The following ITPR3 variants were observed in gnomAD, a reference collection of about 807,000 sequenced individuals.
ITPR3 encodes inositol 1,4,5-trisphosphate receptor type 3.
In ITPR3, 173 loss-of-function variants were observed where a neutral mutation model predicts 293.2. That is an observed-to-expected ratio of 0.59 (90% CI 0.52 to 0.67). The LOEUF (loss-of-function observed/expected upper bound fraction) is 0.67. ITPR3 is among the 30% of genes least tolerant of loss of function. The probability of loss-of-function intolerance (pLI) is 0.00; values close to 1 mark genes in which losing one functional copy is unlikely to be tolerated. For synonymous variants in ITPR3, 1,295 were observed against 1,444.4 expected, an observed-to-expected ratio of 0.90 and a Z score of 2.35; for missense variants, 2,796 against 3,592.1, an observed-to-expected ratio of 0.78 and a Z score of 5.66.
intron 1 of ITPR3, among the ~76,000 whole-genome samples, chr6:33,637,817 T>C (rs939396880): frequency 6.7e-4 from 102 of 151,282 alleles, no homozygotes; most frequent in African/African-American, 2.1e-3. Flanking sequence ...TTCTTTCTTT[T>C]TTTTTTTTTT....
In ITPR3 at chr6:33,668,420, G is replaced by A. The variant is rs1041978383; in HGVS notation, c.1887-95G>A. 19 of 1,523,440 alleles carry A rather than the reference G, an allele frequency of 1.2e-5. 1 individual carries two copies. Among genetic ancestry groups the A allele is most frequent in the South Asian group, 3.7e-5 (3 of 81,360 alleles). 94.4% of individuals were successfully genotyped at this position (1,523,440 alleles called of 1,614,324 possible). A position where few individuals can be genotyped will look rare whatever the true frequency, so the allele number is the denominator to read the frequency against. On this transcript the variant is annotated intron_variant, in intron 16 of 57. Transcript: ENST00000605930. ...GGGAGGGAGCTAGTTCCAGGGTGGC[G>A]GTGCTGCCAGCTGGGGAAGGGGAAG... is the stretch of plus-strand genomic sequence containing the variant.
Position 33,688,441 on chromosome 6 carries a change from C to CCA in ITPR3, c.6568+10_6568+11insCA. On this transcript the variant is annotated intron_variant, in intron 48 of 57. Transcript: ENST00000605930. ...CAGCGCAAGCTCCGCAGTGAGGACC[C>CCA]ACGGGCGGGAGGGTGGGGCGGTCTG... The CCA allele has an allele frequency of 2.2e-6, 1 of 465,116 alleles. No homozygotes were observed. The highest frequency in any genetic ancestry group is 1.9e-5 in the South Asian group (1 of 53,752). 28.8% of individuals were successfully genotyped at this position (465,116 alleles called of 1,614,324 possible).
chr6:33,652,766 T>C (rs916370490), intron 2 of ITPR3, among the ~76,000 whole-genome samples: 1 of 152,078 alleles, frequency 6.6e-6, no homozygotes, highest in Non-Finnish European at 1.5e-5. Flanking sequence ...GCCTGGCCTA[T>C]ATATCCATAT....
chr6:33,683,460 ACTTT>A lies in ITPR3; in HGVS notation c.4788+64_4788+67del. The stretch of plus-strand genomic sequence containing the variant: ...GCTTGGTTGAGTCAGCAGCTCCCCT[ACTTT>A]GGAGGGGCAAGTTCTCGGGGAGTGT... On this transcript the variant is annotated intron_variant, in intron 35 of 57. Transcript: ENST00000605930. The surrounding 1 kb of genome is among the most constrained non-coding windows in gnomAD (Gnocchi z 4.5). 4 of 1,300,736 alleles carry A rather than the reference ACTTT, an allele frequency of 3.1e-6. No homozygotes were observed. Among genetic ancestry groups the A allele is most frequent in the Non-Finnish European group, 4.1e-6 (4 of 975,848 alleles). 80.6% of individuals were successfully genotyped at this position (1,300,736 alleles called of 1,614,324 possible). A position where few individuals can be genotyped will look rare whatever the true frequency, so the allele number is the denominator to read the frequency against.
At position 33,682,571 on chromosome 6, in the gene ITPR3, C is replaced by T; in HGVS notation, c.4524C>T (p.Leu1508=). ...VVQLLQSTTR[L]LECPWLQQQH... ...AGCTGCTGCAGTCTACCACACGCCT[C>T]CTCGAGTGTCCGTGGCTACAGCAGC... Residue 1508 remains leucine, a synonymous_variant, in exon 34 of 58, where the codon CTC becomes CTT. Coordinates refer to ENST00000605930, the MANE Select transcript of ITPR3 (RefSeq NM_002224.4). The surrounding 1 kb of genome is among the most constrained non-coding windows in gnomAD (Gnocchi z 5.4). The T allele has an allele frequency of 6.3e-7, 1 of 1,590,292 alleles. No individual in the cohort carries two copies. Among genetic ancestry groups the T allele is most frequent in the Non-Finnish European group, 8.6e-7 (1 of 1,168,140 alleles).
At chr6:33,674,661 C>T (rs977622270) in intron 24 of ITPR3, among the ~76,000 whole-genome samples, 2 of 152,230 alleles carry the variant, frequency 1.3e-5, no homozygotes, top group African/African-American at 2.4e-5. Flanking sequence ...ATCTTGGGGC[C>T]AGGCTTGTGC....
At chr6:33,629,480 TTC>T (rs1451076568) in intron 1 of ITPR3, among the ~76,000 whole-genome samples, 1 of 150,578 alleles carries the variant, frequency 6.6e-6, no homozygotes, top group African/African-American at 2.5e-5. Flanking sequence ...GACCATTGGT[TTC>T]TTTTTTTTTT....
Position 33,693,351 on chromosome 6 carries a change from C to T in ITPR3, c.7625-194C>T, listed in dbSNP as rs187518506. 7.7e-4 allele frequency among the ~76,000 whole-genome samples: 117 copies of T among 152,250 alleles called. 1 individual carries two copies. Among genetic ancestry groups the T allele is most frequent in the Admixed American group, 3.9e-3 (60 of 15,294 alleles). ...TGCTGCTGCGGGAGGGCTGCAGCTG[C>T]GGCAGGGCAGGATCTCCACTAAGTG... On this transcript the variant is annotated intron_variant, in intron 55 of 57. Coordinates refer to ENST00000605930, the MANE Select transcript of ITPR3 (RefSeq NM_002224.4).
In ITPR3 at chr6:33,684,713, C is replaced by T. The variant is rs760514933; in HGVS notation, c.5137+25C>T. ...GGTCAGTATCACCTTCCCCTGCCCCCGGGCCCTCCCTTCCACTCTCCTGTC... is the reference window on the plus strand; with the variant it reads ...GGTCAGTATCACCTTCCCCTGCCCCTGGGCCCTCCCTTCCACTCTCCTGTC... On this transcript the variant is annotated intron_variant, in intron 38 of 57. Transcript: ENST00000605930. This position sits in a 1 kb window ranked among gnomAD's most constrained non-coding sequence, Gnocchi z 4.2. 3.3e-5 allele frequency: 53 copies of T among 1,611,828 alleles called. No individual in the cohort carries two copies. Among genetic ancestry groups the T allele is most frequent in the South Asian group, 3.0e-4 (27 of 90,796 alleles).
At position 33,685,433 on chromosome 6, in the gene ITPR3, G is replaced by A. The variant is rs144430418; in HGVS notation, c.5382G>A (p.Lys1794=). 2,067 of 1,614,150 alleles carry A rather than the reference G, an allele frequency of 1.3e-3. 3 individuals are homozygous for A. Among genetic ancestry groups the A allele is most frequent in the Non-Finnish European group, 1.6e-3 (1,860 of 1,180,016 alleles). The change falls in exon 40 of 58, where the codon AAG becomes AAA. Residue 1794 remains lysine (K), a synonymous_variant. Coordinates refer to ENST00000605930, the MANE Select transcript of ITPR3 (RefSeq NM_002224.4). The part of the protein sequence containing the change: ...RFFKVLHDRM[K]RAQQETKSTV... ...TCAAGGTGCTGCACGACCGCATGAAGCGGGCCCAGCAGGAGACCAAGTCCA... is the reference window on the plus strand; with the variant it reads ...TCAAGGTGCTGCACGACCGCATGAAACGGGCCCAGCAGGAGACCAAGTCCA...
At chr6:33,659,317 C>CG in intron 6 of ITPR3, 149 bp from the exon 7 acceptor site, 1 of 872,978 alleles carries the variant, frequency 1.1e-6, no homozygotes. Flanking sequence ...CCAAGGTAGC[C>CG]GGGCTGGGGT....
chr6:33,677,422 C>T, intron 27 of ITPR3, 82 bp from the exon 28 acceptor site: 1 of 1,571,700 alleles, frequency 6.4e-7, no homozygotes, highest in Non-Finnish European at 8.7e-7. Context: ...CGGGTGCCAG[C>T]TGGAACTTGG....
chr6:33,635,750 A>G (rs1460830521), intron 1 of ITPR3, among the ~76,000 whole-genome samples: 1 of 149,972 alleles, frequency 6.7e-6, no homozygotes, highest in African/African-American at 2.5e-5. Context: ...CTGGAGGTAG[A>G]GGGTTCTGGG....
intron 22 of ITPR3, among the ~76,000 whole-genome samples, chr6:33,673,193 T>G (rs1764814374): frequency 6.6e-6 from 1 of 152,186 alleles, no homozygotes; most frequent in Admixed American, 6.5e-5. Flanking sequence ...CCCATGAGTA[T>G]CCAGGGTCTG....
At chr6:33,681,078 C>G (rs138516980) in intron 33 of ITPR3, among the ~76,000 whole-genome samples, 4,399 of 152,258 alleles carry the variant, frequency 0.029, 127 homozygotes, top group South Asian at 0.059. Flanking sequence ...CTCGGCTTCC[C>G]AAAGTGCTGG....
At position 33,696,119 on chromosome 6, in the gene ITPR3, G is replaced by T; in HGVS notation, c.*339G>T. On this transcript the variant is annotated 3_prime_UTR_variant, in exon 58 of 58. Transcript: ENST00000605930. The stretch of plus-strand genomic sequence containing the variant: ...TCCTCCTTGTGGGTAGTTAAGAGTG[G>T]GGTCACCCCTTTAACTCCAAGCACT... 1 of 293,432 alleles carries T rather than the reference G, an allele frequency of 3.4e-6. No individual in the cohort carries two copies. Among genetic ancestry groups the T allele is most frequent in the Non-Finnish European group, 6.5e-6 (1 of 154,504 alleles). The allele number at this position is 293,432 out of a possible 1,614,324, so 18.2% of individuals were successfully genotyped here.
At chr6:33,688,487 G>A in intron 48 of ITPR3, 56 bp downstream of exon 48, 1 of 1,501,500 alleles carries the variant, frequency 6.7e-7, no homozygotes, top group Non-Finnish European at 8.9e-7. Flanking sequence ...CTGATGCCCT[G>A]TTATAACGGC....
At position 33,669,108 on chromosome 6, in the gene ITPR3, A is replaced by T; in HGVS notation, c.2141A>T (p.Glu714Val). ...AAGAGTGTGAGGCAGCTGGCCCAGG[A>T]GGCGCGGGCCGGCAACGCCCACGAC... The part of the protein sequence containing the change: ...HEKSVRQLAQ[E>V]ARAGNAHDEN... Residue 714 changes from glutamate (E) to valine (V), a missense_variant, in exon 18 of 58, where the codon GAG (glutamate) becomes GTG (valine). Physicochemically the swap from Glu to Val is moderately radical, Grantham distance 121. Coordinates refer to ENST00000605930, the MANE Select transcript of ITPR3 (RefSeq NM_002224.4). 1 of 1,614,072 alleles carries T rather than the reference A, an allele frequency of 6.2e-7. No homozygotes were observed. Among genetic ancestry groups the T allele is most frequent in the South Asian group, 1.1e-5 (1 of 91,076 alleles).
rs369287263 is a variant in ITPR3 at position 33,673,580 on chromosome 6, C to G, written c.2929-11C>G. Reference sequence around the variant, plus strand: ...ACCCCATCCTCACCTGACCTTTCCTCTCTTCTCCAGTTCATCCTCAATGTC... The same window carrying G: ...ACCCCATCCTCACCTGACCTTTCCTGTCTTCTCCAGTTCATCCTCAATGTC... On this transcript the variant is annotated splice_polypyrimidine_tract_variant and intron_variant, in intron 22 of 57. Coordinates refer to ENST00000605930, the MANE Select transcript of ITPR3 (RefSeq NM_002224.4). The G allele has an allele frequency of 1.7e-5, 28 of 1,613,848 alleles. No individual in the cohort carries two copies. Among genetic ancestry groups the G allele is most frequent in the Non-Finnish European group, 2.4e-5 (28 of 1,179,874 alleles).
Sources: allele counts gnomAD v4.1 joint callset (sites outside exome capture counted in the v4.1 genomes callset), GRCh38; gene constraint gnomAD v4.1.1; non-coding constraint Gnocchi (gnomAD v3.1); transcripts MANE v1.5; gene names NCBI Gene and HGNC (gene_info 2026-07-23, HGNC 2026-07-21).